POLR3B: variants seen among roughly 807,000 people sequenced by gnomAD.
POLR3B encodes DNA-directed RNA polymerase III subunit RPC2.
Under a neutral mutation model 147.4 loss-of-function variants are expected in POLR3B, and 96 were observed. The observed-to-expected ratio is 0.65, with a 90% CI of 0.55 to 0.77. The LOEUF is 0.77. POLR3B is among the 30% of genes least tolerant of loss of function. The probability of loss-of-function intolerance (pLI) is 0.00; values close to 1 mark genes in which losing one functional copy is unlikely to be tolerated. For missense variants in POLR3B, 1,036 were observed against 1,413.5 expected, an observed-to-expected ratio of 0.73 and a Z score of 4.28; for synonymous variants, 461 against 485.9, an observed-to-expected ratio of 0.95 and a Z score of 0.67.
chr12:106,428,550 A>G (rs1455268657), intron 13 of POLR3B, among the ~76,000 whole-genome samples: 1 of 152,182 alleles, frequency 6.6e-6, no homozygotes, highest in Non-Finnish European at 1.5e-5. Flanking sequence ...GAATACAAGA[A>G]CAAATTCTCT....
chr12:106,358,166 C>A, intron 1 of POLR3B: 1 of 1,440,358 alleles, frequency 6.9e-7, no homozygotes, highest in Non-Finnish European at 9.1e-7. Context: ...CTGTCAGCCG[C>A]TGCGGGGGCC....
chr12:106,437,622 T>C (rs1332817947), intron 17 of POLR3B, 59 bp from the exon 18 acceptor site: 4 of 924,824 alleles, frequency 4.3e-6, no homozygotes, highest in Admixed American at 1.8e-5. Flanking sequence ...CCTGTTATTA[T>C]ATAAAATACT....
chr12:106,490,540 A>G (rs980926139), intron 23 of POLR3B, among the ~76,000 whole-genome samples: 85 of 152,280 alleles, frequency 5.6e-4, no homozygotes, highest in African/African-American at 2.0e-3. Flanking sequence ...AAATTATGTC[A>G]ACCGGTATAT....
intron 21 of POLR3B, 138 bp from the exon 22 acceptor site, chr12:106,459,113 A>C: frequency 1.5e-6 from 1 of 682,424 alleles, no homozygotes; most frequent in Non-Finnish European, 2.7e-6. Flanking sequence ...TGCAGCCTCA[A>C]CCTAGGTTCA....
At chr12:106,383,063 A>G (rs1017111925) in intron 9 of POLR3B, among the ~76,000 whole-genome samples, 1 of 152,216 alleles carries the variant, frequency 6.6e-6, no homozygotes, top group South Asian at 2.1e-4. Context: ...CTTTTATGTT[A>G]TGGAGATGGC....
chr12:106,497,310 G>A (rs954958405), intron 25 of POLR3B, among the ~76,000 whole-genome samples: 12 of 151,720 alleles, frequency 7.9e-5, no homozygotes, highest in Middle Eastern at 3.4e-3. Context: ...TAAGAAACTG[G>A]ATACAAGAAA....
intron 9 of POLR3B, among the ~76,000 whole-genome samples, chr12:106,383,692 C>G (rs1296860788): frequency 6.6e-6 from 1 of 152,004 alleles, no homozygotes; most frequent in African/African-American, 2.4e-5. Flanking sequence ...TCAAAGAACA[C>G]TGATTGGCCG....
intron 15 of POLR3B, among the ~76,000 whole-genome samples, chr12:106,433,106 TA>T (rs1174112153): frequency 6.6e-6 from 1 of 152,156 alleles, no homozygotes; most frequent in African/African-American, 2.4e-5. Context: ...CCTCTCATTC[TA>T]GGAGGCATTA....
chr12:106,391,724 T>C (rs10861595), intron 9 of POLR3B, among the ~76,000 whole-genome samples: 37,363 of 152,126 alleles, frequency 0.25, 5,132 homozygotes, highest in African/African-American at 0.36. Flanking sequence ...GTTGGTATTA[T>C]ATTAGCACAA....
chr12:106,374,462 C>G (rs1015654272), intron 6 of POLR3B, among the ~76,000 whole-genome samples: 1 of 152,076 alleles, frequency 6.6e-6, no homozygotes, highest in East Asian at 1.9e-4. Context: ...GTCATCCACC[C>G]GCCTTGGCCT....
chr12:106,459,054 TCTCA>T (rs1301396636), intron 21 of POLR3B, among the ~76,000 whole-genome samples, 193 bp from the exon 22 acceptor site: 1 of 152,052 alleles, frequency 6.6e-6, no homozygotes, highest in Non-Finnish European at 1.5e-5. Context: ...GGTGTGTGAG[TCTCA>T]CTCTGTTGCA....
chr12:106,470,492 TTGC>T (rs1322419123), intron 23 of POLR3B, among the ~76,000 whole-genome samples: 1 of 152,196 alleles, frequency 6.6e-6, no homozygotes, highest in African/African-American at 2.4e-5. Flanking sequence ...TTTTGTTCCC[TTGC>T]TGGCAAGGAG....
chr12:106,368,081 A>G (rs958399782), intron 4 of POLR3B, among the ~76,000 whole-genome samples: 3 of 151,744 alleles, frequency 2.0e-5, no homozygotes, highest in African/African-American at 7.3e-5. Flanking sequence ...CAGTCCTGTC[A>G]TTTTTCTGTT....
intron 12 of POLR3B, among the ~76,000 whole-genome samples, chr12:106,422,745 A>C (rs2037388329): frequency 6.6e-6 from 1 of 152,134 alleles, no homozygotes; most frequent in African/African-American, 2.4e-5. Context: ...CTATGTATTC[A>C]TTAGTACCTT....
rs778723427 is a variant in POLR3B, at chr12:106,393,083, A to G, written c.776A>G (p.Glu259Gly). The G allele has an allele frequency of 5.0e-6, 8 of 1,614,192 alleles. No homozygotes were observed. The Admixed American group carries it at 1.3e-4, about 27-fold the overall frequency. The change falls in exon 10 of 28, where the codon GAG (glutamate) becomes GGG (glycine). Residue 259 changes from glutamate (E) to glycine (G), a missense_variant. Physicochemically the swap from Glu to Gly is moderately conservative, Grantham distance 98 (BLOSUM62 -2). Coordinates refer to ENST00000228347, the MANE Select transcript of POLR3B (RefSeq NM_018082.6). The stretch of plus-strand genomic sequence containing the variant: ...ATTGTGCAGATGATTGGAACAGAGG[A>G]GCACGTGATGGCTGCATTTGGGCCC... ...QEIVQMIGTE[E>G]HVMAAFGPSL...
intron 22 of POLR3B, among the ~76,000 whole-genome samples, chr12:106,463,247 G>A (rs1387820578): frequency 6.6e-6 from 1 of 152,128 alleles, no homozygotes; most frequent in African/African-American, 2.4e-5. Flanking sequence ...AGTATGGACT[G>A]TTGTGAGGAT....
chr12:106,500,757 G>A (rs2038586119), intron 25 of POLR3B, among the ~76,000 whole-genome samples: 1 of 152,182 alleles, frequency 6.6e-6, no homozygotes, highest in Non-Finnish European at 1.5e-5. Flanking sequence ...CAGTGTTGTT[G>A]GAGTAGAGTG....
At chr12:106,505,886 T>G (rs2038679866) in intron 27 of POLR3B, among the ~76,000 whole-genome samples, 1 of 152,212 alleles carries the variant, frequency 6.6e-6, no homozygotes, top group Non-Finnish European at 1.5e-5. Flanking sequence ...AATCACAAGT[T>G]GAACAAGTGG....
At chr12:106,486,764 T>A (rs928504214) in intron 23 of POLR3B, among the ~76,000 whole-genome samples, 1 of 152,200 alleles carries the variant, frequency 6.6e-6, no homozygotes, top group Non-Finnish European at 1.5e-5. Flanking sequence ...AAAATCAGCT[T>A]ATTGTAAAAC....
Sources: allele counts gnomAD v4.1 joint callset (sites outside exome capture counted in the v4.1 genomes callset), GRCh38; gene constraint gnomAD v4.1.1; transcripts MANE v1.5; gene names NCBI Gene and HGNC (gene_info 2026-07-23, HGNC 2026-07-21).